SAMD12: variants seen among roughly 807,000 people sequenced by gnomAD.
The protein encoded by SAMD12 is sterile alpha motif domain containing 12, also known as sterile alpha motif domain-containing protein 12.
Under a neutral mutation model 15.0 loss-of-function variants are expected in SAMD12, and 9 were observed. That is an observed-to-expected ratio of 0.60 (90% CI 0.36 to 1.05). SAMD12 has a LOEUF of 1.05. Ranked by LOEUF, SAMD12 falls within the 50% of genes least tolerant of loss-of-function variation. SAMD12 has a pLI of 0.01. For missense variants in SAMD12, 230 were observed against 234.2 expected (o/e 0.98, Z 0.12); for synonymous variants, 86 against 90.1 (o/e 0.96, Z 0.25).
the SAMD12 span, among the ~76,000 whole-genome samples, chr8:118,180,873 C>A: frequency 6.6e-6 from 1 of 152,098 alleles, no homozygotes; most frequent in Non-Finnish European, 1.5e-5. Context: ...ATGCCCTTCT[C>A]TTCCTTTGCT....
At chr8:118,255,405 C>A (rs943796399) in intron 4 of SAMD12, among the ~76,000 whole-genome samples, 1 of 151,640 alleles carries the variant, frequency 6.6e-6, no homozygotes, top group African/African-American at 2.4e-5. Context: ...GCACAACGTG[C>A]AGGTTAGTTA....
intron 2 of SAMD12, among the ~76,000 whole-genome samples, chr8:118,503,448 A>G (rs2131046380): frequency 6.6e-6 from 1 of 152,278 alleles, no homozygotes; most frequent in East Asian, 1.9e-4. Flanking sequence ...GTGCTCAGGG[A>G]TCCCTTTTCA....
At chr8:118,175,237 G>A in the SAMD12 span, among the ~76,000 whole-genome samples, 1 of 151,974 alleles carries the variant, frequency 6.6e-6, no homozygotes, top group African/African-American at 2.4e-5. Flanking sequence ...CAAGCAATAG[G>A]GAAAGGACTC....
chr8:118,413,019 G>T (rs2130818735), intron 3 of SAMD12, among the ~76,000 whole-genome samples: 1 of 152,200 alleles, frequency 6.6e-6, no homozygotes, highest in South Asian at 2.1e-4. Flanking sequence ...CCATTGCTAT[G>T]AGAAGGTATA....
At chr8:118,374,088 A>G (rs1389822328), downstream of SAMD12, among the ~76,000 whole-genome samples, 1 of 152,126 alleles carries the variant, frequency 6.6e-6, no homozygotes, top group Non-Finnish European at 1.5e-5. Flanking sequence ...GTTGTTGTGC[A>G]CCAGATCTCT....
chr8:118,457,222 C>CTTTTTT (rs796704911), intron 2 of SAMD12, among the ~76,000 whole-genome samples: 1 of 140,726 alleles, frequency 7.1e-6, no homozygotes, highest in Non-Finnish European at 1.5e-5. Context: ...CTCTCTCTCT[C>CTTTTTT]TTTTTTTTTT....
At chr8:118,209,268 A>G (rs1294063464) in intron 4 of SAMD12, among the ~76,000 whole-genome samples, 3 of 152,198 alleles carry the variant, frequency 2.0e-5, no homozygotes, top group African/African-American at 7.2e-5. Flanking sequence ...GAGTTCCCCA[A>G]AATGAGAAAC....
chr8:118,177,209 G>T, the SAMD12 span, among the ~76,000 whole-genome samples: 2 of 149,918 alleles, frequency 1.3e-5, no homozygotes. Context: ...GTTGAATTTT[G>T]TATTAAGTCT....
intron 3 of SAMD12, among the ~76,000 whole-genome samples, chr8:118,395,815 G>A (rs936067584): frequency 1.4e-4 from 22 of 151,766 alleles, no homozygotes; most frequent in African/African-American, 2.4e-4. Context: ...AAAATTAGCC[G>A]GGCGTGGTGG....
At chr8:118,305,121 C>A (rs1378867122) in intron 4 of SAMD12, among the ~76,000 whole-genome samples, 1 of 133,228 alleles carries the variant, frequency 7.5e-6, no homozygotes, top group Non-Finnish European at 1.5e-5. Flanking sequence ...TGCACTACAG[C>A]CTGGGCAAAA....
intron 2 of SAMD12, among the ~76,000 whole-genome samples, chr8:118,489,380 T>C (rs1353679707): frequency 6.6e-6 from 1 of 152,194 alleles, no homozygotes; most frequent in African/African-American, 2.4e-5. Context: ...TTAGCCATTT[T>C]TGTGCTTTGT....
intron 4 of SAMD12, among the ~76,000 whole-genome samples, chr8:118,371,125 G>A (rs1415663402): frequency 9.2e-5 from 14 of 152,052 alleles, no homozygotes; most frequent in Non-Finnish European, 7.4e-5. Context: ...TTATAATGAA[G>A]ATATCTTAAT....
chr8:118,351,356 C>A (rs1817954461), intron 4 of SAMD12, among the ~76,000 whole-genome samples: 1 of 152,140 alleles, frequency 6.6e-6, no homozygotes, highest in African/African-American at 2.4e-5. Context: ...AATTAGAGTT[C>A]CTGTCCAGGG....
intron 2 of SAMD12, among the ~76,000 whole-genome samples, chr8:118,545,887 A>G (rs1190312686): frequency 6.6e-6 from 1 of 152,180 alleles, no homozygotes; most frequent in Admixed American, 6.5e-5. Context: ...CCTGAGTTAC[A>G]TAGCTAGTGA....
the SAMD12 span, among the ~76,000 whole-genome samples, chr8:118,158,967 A>G: frequency 6.6e-6 from 1 of 152,082 alleles, no homozygotes; most frequent in African/African-American, 2.4e-5. Flanking sequence ...CCAGTTGTCC[A>G]TATACCTCAC....
intron 4 of SAMD12, among the ~76,000 whole-genome samples, chr8:118,323,815 G>A (rs556615709): frequency 3.3e-5 from 5 of 152,052 alleles, no homozygotes; most frequent in East Asian, 1.9e-4. Context: ...TAATAGTAGC[G>A]AGATCCTGTC....
chr8:118,455,491 G>C (rs1586731321), intron 2 of SAMD12, among the ~76,000 whole-genome samples: 1 of 151,952 alleles, frequency 6.6e-6, no homozygotes, highest in African/African-American at 2.4e-5. Context: ...TATGCTTTGG[G>C]GTTTGGTTTG....
chr8:118,438,602 A>C (rs567170040), intron 3 of SAMD12, among the ~76,000 whole-genome samples: 2 of 152,090 alleles, frequency 1.3e-5, no homozygotes, highest in Non-Finnish European at 2.9e-5. Context: ...ACTGAGACCT[A>C]TTCTAAGAAG....
the SAMD12 span, among the ~76,000 whole-genome samples, chr8:118,175,446 G>A: frequency 6.6e-6 from 1 of 152,212 alleles, no homozygotes; most frequent in South Asian, 2.1e-4. Flanking sequence ...AAGACTTCAT[G>A]ACAAAGACTC....
Sources: allele counts gnomAD v4.1 joint callset (sites outside exome capture counted in the v4.1 genomes callset), GRCh38; gene constraint gnomAD v4.1.1; transcripts MANE v1.5; gene names NCBI Gene and HGNC (gene_info 2026-07-23, HGNC 2026-07-21).